DAB1: variants seen among roughly 807,000 people sequenced by gnomAD.
DAB1 encodes disabled homolog 1.
In DAB1, 15 loss-of-function variants were observed where a neutral mutation model predicts 64.6. That is an observed-to-expected ratio of 0.23 (90% confidence interval 0.16 to 0.36). The LOEUF (loss-of-function observed/expected upper bound fraction) is 0.36. Ranked by LOEUF, DAB1 falls within the 10% of genes least tolerant of loss-of-function variation. The pLI, the probability that DAB1 is intolerant of heterozygous loss-of-function variation, is 1.00. For missense variants in DAB1, 596 were observed against 706.7 expected (o/e 0.84, Z 1.78); for synonymous variants, 235 against 251.9 (o/e 0.93, Z 0.64).
chr1:57,797,699 G>A (rs932149332), intron 6 of DAB1, among the ~76,000 whole-genome samples: 17 of 152,232 alleles, frequency 1.1e-4, no homozygotes, highest in African/African-American at 4.1e-4. Flanking sequence ...ACAGAAAGGA[G>A]TGCTTTGTTC....
chr1:57,699,861 TG>T (rs1220072562), intron 6 of DAB1, among the ~76,000 whole-genome samples: 1 of 152,012 alleles, frequency 6.6e-6, no homozygotes, highest in Non-Finnish European at 1.5e-5. Flanking sequence ...TGCAGTGAGC[TG>T]AGATCACACC....
At chr1:58,482,091 T>C (rs1210158156) in intron 3 of DAB1, among the ~76,000 whole-genome samples, 2 of 152,222 alleles carry the variant, frequency 1.3e-5, no homozygotes, top group African/African-American at 2.4e-5. Context: ...GGCTCAGCTA[T>C]GACTAGTGCT....
chr1:58,429,849 A>C (rs1241916564), intron 3 of DAB1, among the ~76,000 whole-genome samples: 4 of 151,776 alleles, frequency 2.6e-5, no homozygotes, highest in Non-Finnish European at 4.4e-5. Flanking sequence ...GTAGATTATA[A>C]ACCACAGAAA....
chr1:57,953,439 T>C (rs896651464), intron 5 of DAB1, among the ~76,000 whole-genome samples: 4 of 152,322 alleles, frequency 2.6e-5, no homozygotes, highest in South Asian at 2.1e-4. Context: ...ATGCTAGATA[T>C]AGGCAAGTTT....
intron 1 of DAB1, among the ~76,000 whole-genome samples, chr1:57,343,587 C>T (rs191409020): frequency 1.9e-3 from 292 of 152,336 alleles, no homozygotes; most frequent in Non-Finnish European, 2.6e-3. Context: ...GGTCCCGAGC[C>T]CTGCCCTGAG....
intron 3 of DAB1, among the ~76,000 whole-genome samples, chr1:58,493,073 C>T (rs1051928575): frequency 3.3e-5 from 5 of 152,180 alleles, no homozygotes; most frequent in Non-Finnish European, 5.9e-5. Flanking sequence ...CCACCATGAT[C>T]AAGTGGGCTT....
chr1:57,452,907 GA>G (rs1018241019), intron 7 of DAB1, among the ~76,000 whole-genome samples: 2 of 150,560 alleles, frequency 1.3e-5, no homozygotes, highest in African/African-American at 2.4e-5. Flanking sequence ...GAGAGGAAGG[GA>G]AAAATAAAGA....
intron 4 of DAB1, among the ~76,000 whole-genome samples, chr1:58,184,017 A>G (rs768079967): frequency 3.2e-4 from 49 of 152,064 alleles, no homozygotes; most frequent in Non-Finnish European, 6.2e-4. Context: ...CTCCAAATCA[A>G]TCCTGTTTCT....
intron 11 of DAB1, 61 bp from the exon 12 acceptor site, chr1:57,015,492 T>A: frequency 6.9e-7 from 1 of 1,440,762 alleles, no homozygotes; most frequent in Non-Finnish European, 9.4e-7. Context: ...GAAGGATGCA[T>A]GGACTCAGGT....
intron 2 of DAB1, among the ~76,000 whole-genome samples, chr1:57,250,984 T>G (rs530881593): frequency 2.6e-5 from 4 of 152,328 alleles, no homozygotes; most frequent in African/African-American, 9.6e-5. Flanking sequence ...ATAGATTATA[T>G]GTGTGGTGGT....
At chr1:57,501,695 T>G (rs928414524) in intron 7 of DAB1, among the ~76,000 whole-genome samples, 2 of 152,212 alleles carry the variant, frequency 1.3e-5, no homozygotes, top group African/African-American at 4.8e-5. Flanking sequence ...TGAAAATTTT[T>G]GTATAAAATT....
intron 2 of DAB1, among the ~76,000 whole-genome samples, chr1:57,275,168 CTATA>C (rs1431546391): frequency 6.6e-6 from 1 of 152,074 alleles, no homozygotes; most frequent in Non-Finnish European, 1.5e-5. Flanking sequence ...GAATATAAAA[CTATA>C]TACTCACAAG....
rs1371116051 is a variant in DAB1, at chr1:58,335,431, C to T, written n.309+7921G>A. Among the ~76,000 whole-genome samples, 7 of 152,190 alleles carry T rather than the reference C, an allele frequency of 4.6e-5. No individual in the cohort carries two copies. The East Asian group carries it at 1.3e-3, about 29-fold the overall frequency. On this transcript the variant is annotated intron_variant and non_coding_transcript_variant, in intron 4 of 20. Transcript: ENST00000485760. ...TGAGCAAAGCAACAGCAGGCTTTCC[C>T]TTAAATTTGGAAAGCAGGCTCCATG... is the stretch of plus-strand genomic sequence containing the variant.
chr1:57,533,115 G>T (rs1246128776), intron 7 of DAB1, among the ~76,000 whole-genome samples: 4 of 151,756 alleles, frequency 2.6e-5, no homozygotes. Flanking sequence ...CTTCCCAGAG[G>T]ATAATACATT....
intron 6 of DAB1, among the ~76,000 whole-genome samples, chr1:57,704,885 C>T (rs1646948237): frequency 6.6e-6 from 1 of 150,780 alleles, no homozygotes; most frequent in African/African-American, 2.4e-5. Context: ...TCTTTTCCTT[C>T]CTTCCTTCCT....
At chr1:57,564,569 A>C (rs946919498) in intron 7 of DAB1, among the ~76,000 whole-genome samples, 1 of 152,214 alleles carries the variant, frequency 6.6e-6, no homozygotes, top group East Asian at 1.9e-4. Flanking sequence ...TAGAATAACC[A>C]GTGTAGAGAA....
chr1:58,040,060 C>T (rs547403469), intron 5 of DAB1, among the ~76,000 whole-genome samples: 32 of 152,174 alleles, frequency 2.1e-4, no homozygotes, highest in African/African-American at 7.5e-4. Context: ...ATTGCATATT[C>T]ATAAGCATCT....
intron 4 of DAB1, among the ~76,000 whole-genome samples, chr1:58,283,235 G>T (rs1661607096): frequency 6.6e-6 from 1 of 151,800 alleles, no homozygotes; most frequent in South Asian, 2.1e-4. Context: ...AGGCAAGCCA[G>T]GAAGCAGAGA....
intron 6 of DAB1, among the ~76,000 whole-genome samples, chr1:57,680,384 C>T (rs919987553): frequency 2.6e-5 from 4 of 152,216 alleles, no homozygotes; most frequent in Non-Finnish European, 4.4e-5. Context: ...AGAAGTCTGA[C>T]ACAGGTCTCA....
Sources: allele counts gnomAD v4.1 joint callset (sites outside exome capture counted in the v4.1 genomes callset), GRCh38; gene constraint gnomAD v4.1.1; transcripts MANE v1.5; gene names NCBI Gene and HGNC (gene_info 2026-07-23, HGNC 2026-07-21).